INSR: variants seen among roughly 807,000 people sequenced by gnomAD.
The protein encoded by INSR is insulin receptor.
A neutral mutation model predicts 142.6 loss-of-function variants in INSR; 67 were observed. The ratio of observed to expected loss-of-function variants is 0.47; its 90% confidence interval spans 0.39 to 0.58. The LOEUF is 0.58. Among genes scored for constraint, INSR ranks in the 20% least tolerant of loss-of-function variants. The probability of loss-of-function intolerance (pLI) is 0.00; values close to 1 mark genes in which losing one functional copy is unlikely to be tolerated. For synonymous variants in INSR, 756 were observed against 743.1 expected, an observed-to-expected ratio of 1.02 and a Z score of -0.28; for missense variants, 1,248 against 1,833.2, an observed-to-expected ratio of 0.68 and a Z score of 5.83.
intron 2 of INSR, among the ~76,000 whole-genome samples, chr19:7,200,456 G>T (rs1251229474): frequency 6.6e-6 from 1 of 152,164 alleles, no homozygotes; most frequent in Non-Finnish European, 1.5e-5. Flanking sequence ...TTTGGAGGCT[G>T]AGGTGGGAGG....
chr19:7,189,085 C>A (rs8103934), intron 2 of INSR, among the ~76,000 whole-genome samples: 3 of 151,864 alleles, frequency 2.0e-5, no homozygotes, highest in East Asian at 1.9e-4. Context: ...TCTGTGGGAA[C>A]CTGAGGGCTG....
In INSR at chr19:7,155,344, G is replaced by A. The variant is rs111234111; in HGVS notation, c.2030-2417C>T. ...GAGGTCAGGAGTTCGAGACCAGCCT[G>A]GCCAACATATAGTGAAACGCTGTCT... On this transcript the variant is annotated intron_variant, in intron 9 of 21. Coordinates refer to ENST00000302850, the MANE Select transcript of INSR (RefSeq NM_000208.4). 9.2e-3 allele frequency among the ~76,000 whole-genome samples: 1,399 copies of A among 152,136 alleles called. 5 individuals are homozygous for A. The highest frequency in any genetic ancestry group is 0.013 in the Non-Finnish European group (858 of 68,002).
Position 7,276,063 on chromosome 19 carries a change from C to T in INSR, c.101-8167G>A, listed in dbSNP as rs575866840. ...GGTTGGGAGCAGGGCAGAGAAAGAA[C>T]TTTCTAGAAGATTCTGAAATCCTTT... On this transcript the variant is annotated intron_variant, in intron 1 of 21. Coordinates refer to ENST00000302850, the MANE Select transcript of INSR (RefSeq NM_000208.4). Among the ~76,000 whole-genome samples, 115 of 152,202 alleles carry T rather than the reference C, an allele frequency of 7.6e-4. 1 individual carries two copies. The highest frequency in any genetic ancestry group is 2.3e-3 in the African/African-American group (95 of 41,542).
rs761851279 is a variant in INSR at position 7,122,749 on chromosome 19, T to C, written c.3394A>G (p.Thr1132Ala). 13 of 1,613,742 alleles carry C rather than the reference T, an allele frequency of 8.1e-6. No individual in the cohort carries two copies. The highest frequency in any genetic ancestry group is 1.0e-5 in the Non-Finnish European group (12 of 1,179,936). ...AENNPGRPPPTLQEMIQMAAE... is the reference protein window; with the variant it reads ...AENNPGRPPPALQEMIQMAAE... Reference sequence around the variant, plus strand: ...GCCATCTGAATCATCTCTTGAAGGGTAGGGGGAGGGCGGCCAGGATTATTC... The same window carrying C: ...GCCATCTGAATCATCTCTTGAAGGGCAGGGGGAGGGCGGCCAGGATTATTC... Residue 1132 changes from threonine (T) to alanine (A), a missense_variant, in exon 19 of 22, where the codon ACC becomes GCC. Transcript: ENST00000302850.
chr19:7,205,434 G>T (rs1403202340), intron 2 of INSR, among the ~76,000 whole-genome samples: 1 of 152,164 alleles, frequency 6.6e-6, no homozygotes, highest in East Asian at 1.9e-4. Context: ...TTCTAGCTCA[G>T]TTCTCACCTT....
At chr19:7,292,483 GC>G (rs1477201297) in intron 1 of INSR, among the ~76,000 whole-genome samples, 1 of 127,900 alleles carries the variant, frequency 7.8e-6, no homozygotes. Flanking sequence ...GGGGGGGTGG[GC>G]CCGGGGCTTT....
rs1973162586 is a variant in INSR, at chr19:7,145,321, G to A, written c.2268-2231C>T. On this transcript the variant is annotated intron_variant, in intron 11 of 21. Transcript: ENST00000302850. Reference sequence around the variant, plus strand: ...CACTTTAAAACGTGTTCCTTTATAAGTCATTCTAGATGGGGTTATTATGAG... The same window carrying A: ...CACTTTAAAACGTGTTCCTTTATAAATCATTCTAGATGGGGTTATTATGAG... 2.6e-5 allele frequency among the ~76,000 whole-genome samples: 4 copies of A among 151,898 alleles called. No homozygotes were observed. In the South Asian group the frequency reaches 8.3e-4, roughly 32 times the overall value.
Position 7,125,502 on chromosome 19 carries a change from C to T in INSR, c.3039G>A (p.Pro1013=), listed in dbSNP as rs778625883. 1.1e-5 allele frequency: 18 copies of T among 1,613,954 alleles called. No homozygotes were observed. The highest frequency in any genetic ancestry group is 2.2e-5 in the South Asian group (2 of 91,078). Reference sequence around the variant, plus strand: ...TCTCTCGAGACACCTCCCACTCGTCCGGCACGTACACAGAGCATGGAAACA... The same window carrying T: ...TCTCTCGAGACACCTCCCACTCGTCTGGCACGTACACAGAGCATGGAAACA... The part of the protein sequence containing the change: ...SDVFPCSVYV[P]DEWEVSREKI... The change falls in exon 17 of 22, where the codon CCG becomes CCA. Residue 1013 remains proline (P), a synonymous_variant. Coordinates refer to ENST00000302850, the MANE Select transcript of INSR (RefSeq NM_000208.4). This position sits in a 1 kb window ranked among gnomAD's most constrained non-coding sequence, Gnocchi z 4.9.
At chr19:7,230,808 AAATAAAAAAAAAAT>A (rs1975947430) in intron 2 of INSR, among the ~76,000 whole-genome samples, 1 of 128,368 alleles carries the variant, frequency 7.8e-6, no homozygotes, top group African/African-American at 2.9e-5. Flanking sequence ...TCCATCTCAA[AAATAAAAAAAAAAT>A]AAAAAATATT....
At position 7,132,239 on chromosome 19, in the gene INSR, A is replaced by C. The variant is rs1291518060; in HGVS notation, c.2761T>G (p.Tyr921Asp). 1 of 1,614,098 alleles carries C rather than the reference A, an allele frequency of 6.2e-7. No homozygotes were observed. Among genetic ancestry groups the C allele is most frequent in the Non-Finnish European group, 8.5e-7 (1 of 1,180,040 alleles). ...GAGGTGGCCCGGATTCGCACGCTGT[A>C]GTTCCCCGGTGACAGCCCACGCAGC... ...CRLRGLSPGN[Y>D]SVRIRATSLA... Residue 921 changes from tyrosine (Y) to aspartate (D), a missense_variant, in exon 14 of 22, where the codon TAC (tyrosine) becomes GAC (aspartate). By Grantham distance (160) the Tyr-to-Asp change is radical (BLOSUM62 -3). Transcript: ENST00000302850.
At chr19:7,197,514 GGGGTGTGTGT>G (rs1431158638) in intron 2 of INSR, among the ~76,000 whole-genome samples, 612 of 26,988 alleles carry the variant, frequency 0.023, 60 homozygotes, top group East Asian at 0.1. Flanking sequence ...AGTGGGAGTG[GGGGTGTGTGT>G]GTGTGTGTGT....
chr19:7,128,830 C>A lies in INSR; in HGVS notation c.2945+22G>T, dbSNP rs771423837. Reference sequence around the variant, plus strand: ...CAGAGAACCAACTGTTCCCAGCACACCACTGAACTCACTGAACTCACCTCT... The same window carrying A: ...CAGAGAACCAACTGTTCCCAGCACAACACTGAACTCACTGAACTCACCTCT... On this transcript the variant is annotated intron_variant, in intron 15 of 21. Coordinates refer to ENST00000302850, the MANE Select transcript of INSR (RefSeq NM_000208.4). 7 of 1,518,840 alleles carry A rather than the reference C, an allele frequency of 4.6e-6. No homozygotes were observed. The African/African-American group carries it at 9.6e-5, about 21-fold the overall frequency. The allele number at this position is 1,518,840 out of a possible 1,614,324, so 94.1% of individuals were successfully genotyped here.
At chr19:7,272,337 G>T (rs1967946999) in intron 1 of INSR, among the ~76,000 whole-genome samples, 9 of 151,898 alleles carry the variant, frequency 5.9e-5, no homozygotes, top group Middle Eastern at 3.4e-3. Flanking sequence ...TAAATAAAAG[G>T]CCAGCCACAG....
At chr19:7,220,321 C>T (rs1367014237) in intron 2 of INSR, among the ~76,000 whole-genome samples, 2 of 152,146 alleles carry the variant, frequency 1.3e-5, no homozygotes, top group African/African-American at 4.8e-5. Context: ...GATGGAGTCT[C>T]GCTCTGTCGC....
Position 7,142,905 on chromosome 19 carries a change from T to C in INSR, c.2453A>G (p.Tyr818Cys). The C allele has an allele frequency of 8.1e-6, 13 of 1,614,116 alleles. No homozygotes were observed. The highest frequency in any genetic ancestry group is 1.0e-5 in the Non-Finnish European group (12 of 1,180,028). ...VISGLRHFTG[Y>C]RIELQACNQD... Reference sequence around the variant, plus strand: ...GTTGCAAGCCTGCAGCTCGATGCGATAGCCCGTGAAGTGTCGCAAGCCGGA... The same window carrying C: ...GTTGCAAGCCTGCAGCTCGATGCGACAGCCCGTGAAGTGTCGCAAGCCGGA... The change falls in exon 12 of 22, where the codon TAT (tyrosine) becomes TGT (cysteine). Residue 818 changes from tyrosine to cysteine, a missense_variant. By Grantham distance (194) the Tyr-to-Cys change is radical. Transcript: ENST00000302850.
intron 1 of INSR, among the ~76,000 whole-genome samples, chr19:7,284,005 T>C (rs992240686): frequency 6.6e-6 from 1 of 152,198 alleles, no homozygotes; most frequent in African/African-American, 2.4e-5. Flanking sequence ...AACTCATGCC[T>C]GAACAAAGTT....
At chr19:7,238,177 A>G (rs1976221738) in intron 2 of INSR, among the ~76,000 whole-genome samples, 1 of 152,174 alleles carries the variant, frequency 6.6e-6, no homozygotes, top group African/African-American at 2.4e-5. Context: ...CTCCCACACT[A>G]AGGAAGTTCT....
chr19:7,241,601 G>A lies in INSR; in HGVS notation c.652+25744C>T, dbSNP rs750276927. 1.4e-4 allele frequency among the ~76,000 whole-genome samples: 22 copies of A among 152,238 alleles called. No individual in the cohort carries two copies. The South Asian group carries it at 1.7e-3, about 11-fold the overall frequency. ...CGTGCCAGTGCACTCCAGCCTGGGC[G>A]ACAGAGCGAGACTGTCTCAAAAATA... On this transcript the variant is annotated intron_variant, in intron 2 of 21. Coordinates refer to ENST00000302850, the MANE Select transcript of INSR (RefSeq NM_000208.4).
intron 2 of INSR, among the ~76,000 whole-genome samples, chr19:7,207,896 G>GA (rs1975148233): frequency 1.6e-5 from 2 of 124,508 alleles, no homozygotes; most frequent in African/African-American, 3.1e-5. Context: ...GAGAAGGAAG[G>GA]AAGGAAAGGA....
Sources: allele counts gnomAD v4.1 joint callset (sites outside exome capture counted in the v4.1 genomes callset), GRCh38; gene constraint gnomAD v4.1.1; non-coding constraint Gnocchi (gnomAD v3.1); transcripts MANE v1.5; gene names NCBI Gene and HGNC (gene_info 2026-07-23, HGNC 2026-07-21).